Variants in CTNNA2 observed in about 807,000 individuals in gnomAD.
CTNNA2 encodes catenin alpha 2.
CTNNA2 carries 42 observed loss-of-function variants against 101.0 expected under a neutral mutation model. That is an observed-to-expected ratio of 0.42 (90% CI 0.32 to 0.54). The LOEUF (loss-of-function observed/expected upper bound fraction) is 0.54, where lower values mean the gene tolerates loss of function less well. CTNNA2 is among the 20% of genes least tolerant of loss of function. CTNNA2 has a pLI of 0.14. For synonymous variants in CTNNA2, 450 were observed against 456.4 expected (o/e 0.99, Z 0.18); for missense variants, 871 against 1,223.1 (o/e 0.71, Z 4.29).
chr2:79,252,731 A>C (rs1177627161), intron 2 of CTNNA2, among the ~76,000 whole-genome samples: 2 of 152,074 alleles, frequency 1.3e-5, no homozygotes, highest in Non-Finnish European at 1.5e-5. Context: ...ATGTTGTGAT[A>C]AGTTTGTAAT....
intron 7 of CTNNA2, among the ~76,000 whole-genome samples, chr2:79,920,041 A>AC (rs150034686): frequency 0.16 from 23,873 of 151,764 alleles, 2,223 homozygotes; most frequent in South Asian, 0.24. Flanking sequence ...ACATGGTGAA[A>AC]CCCCGTCTCT....
intron 7 of CTNNA2, among the ~76,000 whole-genome samples, chr2:79,922,510 T>C (rs1277624478): frequency 6.6e-6 from 1 of 152,146 alleles, no homozygotes; most frequent in Non-Finnish European, 1.5e-5. Flanking sequence ...CCTTCTCTTC[T>C]TATTACAGAC....
At chr2:79,615,479 C>T (rs760871858) in intron 1 of CTNNA2, among the ~76,000 whole-genome samples, 1 of 152,070 alleles carries the variant, frequency 6.6e-6, no homozygotes, top group African/African-American at 2.4e-5. Context: ...AATATTTGAG[C>T]TTTATTATTT....
At chr2:80,244,337 G>A (rs1428654512) in intron 7 of CTNNA2, among the ~76,000 whole-genome samples, 1 of 152,180 alleles carries the variant, frequency 6.6e-6, no homozygotes, top group South Asian at 2.1e-4. Context: ...TCTTAACAAA[G>A]AGAAAAGTGG....
intron 4 of CTNNA2, among the ~76,000 whole-genome samples, chr2:79,429,904 G>A (rs1466843620): frequency 2.0e-5 from 3 of 152,052 alleles, no homozygotes; most frequent in Non-Finnish European, 4.4e-5. Context: ...ATTACACCTA[G>A]CATCATTTAG....
intron 3 of CTNNA2, among the ~76,000 whole-genome samples, chr2:79,797,219 T>G (rs926604907): frequency 6.6e-6 from 1 of 152,130 alleles, no homozygotes; most frequent in African/African-American, 2.4e-5. Flanking sequence ...ACATCCAGTA[T>G]AAAGTCAGGT....
intron 2 of CTNNA2, among the ~76,000 whole-genome samples, chr2:79,743,626 C>T (rs919456595): frequency 8.6e-5 from 13 of 151,844 alleles, no homozygotes; most frequent in East Asian, 3.9e-4. Context: ...CTCTGCCTCC[C>T]GAGTTCAAGC....
chr2:79,245,893 A>T (rs75240454), intron 2 of CTNNA2, among the ~76,000 whole-genome samples: 1 of 152,296 alleles, frequency 6.6e-6, no homozygotes, highest in Non-Finnish European at 1.5e-5. Flanking sequence ...ACCTCATCCC[A>T]AAACCCAGGA....
At chr2:80,070,685 G>A (rs895579610) in intron 7 of CTNNA2, among the ~76,000 whole-genome samples, 3 of 149,826 alleles carry the variant, frequency 2.0e-5, no homozygotes, top group African/African-American at 7.4e-5. Context: ...CCACTGCACT[G>A]CAGCCTCGGC....
At chr2:79,604,317 G>T (rs902415030) in intron 1 of CTNNA2, among the ~76,000 whole-genome samples, 1 of 152,172 alleles carries the variant, frequency 6.6e-6, no homozygotes, top group Non-Finnish European at 1.5e-5. Flanking sequence ...GAAAATATAT[G>T]AAATCATGTT....
At chr2:79,493,394 G>T (rs1573191442) in intron 4 of CTNNA2, among the ~76,000 whole-genome samples, 1 of 152,138 alleles carries the variant, frequency 6.6e-6, no homozygotes, top group East Asian at 1.9e-4. Flanking sequence ...GAGGCAGGTG[G>T]ATCATAAGGT....
intron 9 of CTNNA2, among the ~76,000 whole-genome samples, chr2:80,513,124 T>C (rs142989485): frequency 1.0e-3 from 159 of 152,320 alleles, no homozygotes; most frequent in African/African-American, 3.6e-3. Flanking sequence ...GATCCTGTGG[T>C]CCTGATACCA....
chr2:80,434,772 T>C (rs921158013), intron 9 of CTNNA2, among the ~76,000 whole-genome samples: 2 of 151,948 alleles, frequency 1.3e-5, no homozygotes, highest in African/African-American at 2.4e-5. Flanking sequence ...AAGCAGGAGA[T>C]CACTAGGCAG....
intron 9 of CTNNA2, among the ~76,000 whole-genome samples, chr2:80,503,468 A>G (rs575451244): frequency 6.6e-6 from 1 of 152,296 alleles, no homozygotes; most frequent in South Asian, 2.1e-4. Flanking sequence ...TTGCTGTGAA[A>G]TATACCAACT....
chr2:80,096,684 G>A (rs2148830584), intron 7 of CTNNA2, among the ~76,000 whole-genome samples: 1 of 152,250 alleles, frequency 6.6e-6, no homozygotes, highest in South Asian at 2.1e-4. Context: ...ATGAATCTGG[G>A]TGCTCTTGTA....
intron 3 of CTNNA2, among the ~76,000 whole-genome samples, chr2:79,333,079 C>G (rs1334033600): frequency 1.3e-5 from 2 of 152,080 alleles, no homozygotes; most frequent in African/African-American, 4.8e-5. Flanking sequence ...ACGCAACAGA[C>G]AAATTTTAAA....
At position 79,663,205 on chromosome 2, in the gene CTNNA2, CTCA is replaced by C. The variant is rs1682162576; in HGVS notation, c.102+11552_102+11554del. 2.0e-5 allele frequency among the ~76,000 whole-genome samples: 3 copies of C among 152,182 alleles called. No homozygotes were observed. The South Asian group carries it at 6.2e-4, about 31-fold the overall frequency. Reference sequence around the variant, plus strand: ...TCCTGGTTCCAAACACAAGTCCTCTCTCATCATGATCAGTACAGTCACCAAATT... The same window carrying C: ...TCCTGGTTCCAAACACAAGTCCTCTCTCATGATCAGTACAGTCACCAAATT... On this transcript the variant is annotated intron_variant, in intron 2 of 18. Coordinates refer to ENST00000402739, the MANE Select transcript of CTNNA2 (RefSeq NM_001282597.3).
intron 1 of CTNNA2, among the ~76,000 whole-genome samples, chr2:79,650,891 G>C (rs529769584): frequency 6.7e-6 from 1 of 150,084 alleles, no homozygotes; most frequent in African/African-American, 2.5e-5. Flanking sequence ...GCGGTGTGTG[G>C]TTTTTTGTTC....
intron 17 of CTNNA2, among the ~76,000 whole-genome samples, chr2:80,618,342 C>T (rs956148974): frequency 4.0e-5 from 6 of 151,714 alleles, no homozygotes; most frequent in Non-Finnish European, 8.8e-5. Context: ...TGAAGATGAA[C>T]TCTAACTACT....
Sources: allele counts gnomAD v4.1 joint callset (sites outside exome capture counted in the v4.1 genomes callset), GRCh38; gene constraint gnomAD v4.1.1; transcripts MANE v1.5; gene names NCBI Gene and HGNC (gene_info 2026-07-23, HGNC 2026-07-21).